KIRREL3: variants seen among roughly 807,000 people sequenced by gnomAD.
KIRREL3 encodes the protein kirre like nephrin family adhesion molecule 3, also known as kin of IRRE-like protein 3.
A neutral mutation model predicts 89.7 loss-of-function variants in KIRREL3; 36 were observed. The ratio of observed to expected loss-of-function variants is 0.40; its 90% confidence interval spans 0.31 to 0.53. The LOEUF (loss-of-function observed/expected upper bound fraction) is 0.53. KIRREL3 is among the 20% of genes least tolerant of loss of function. The probability of loss-of-function intolerance (pLI) is 0.49; values close to 1 mark genes in which losing one functional copy is unlikely to be tolerated. For synonymous variants in KIRREL3, 445 were observed against 441.4 expected (o/e 1.01, Z -0.10); for missense variants, 864 against 1,056.6 (o/e 0.82, Z 2.53).
chr11:126,858,846 T>C (rs1421567455), intron 1 of KIRREL3, among the ~76,000 whole-genome samples: 6 of 152,200 alleles, frequency 3.9e-5, no homozygotes, highest in African/African-American at 1.4e-4. Flanking sequence ...AGAACACTCT[T>C]CACCTGGATG....
chr11:126,902,442 A>G (rs1005811311), intron 1 of KIRREL3, among the ~76,000 whole-genome samples: 15 of 152,252 alleles, frequency 9.9e-5, no homozygotes, highest in Non-Finnish European at 2.9e-5. Flanking sequence ...TATGGGATAT[A>G]TAGTTGCTCG....
chr11:126,796,349 G>A lies in KIRREL3; in HGVS notation c.55+204106C>T, dbSNP rs1471821171. 6.6e-6 allele frequency among the ~76,000 whole-genome samples: 1 copy of A among 152,204 alleles called. No homozygotes were observed. The highest frequency in any genetic ancestry group is 1.9e-4 in the East Asian group (1 of 5,190). ...CAGACTGGGCTGACCCAGGGCATCA[G>A]GGCTGGGGATTGTCTTGGATGGAAG... On this transcript the variant is annotated intron_variant, in intron 1 of 16. Transcript: ENST00000525144. The surrounding 1 kb of genome is among the most constrained non-coding windows in gnomAD (Gnocchi z 5.1).
intron 2 of KIRREL3, among the ~76,000 whole-genome samples, chr11:126,534,233 C>T (rs55797935): frequency 0.065 from 9,745 of 149,786 alleles, 1,007 homozygotes; most frequent in African/African-American, 0.22. Flanking sequence ...GGAGAATGTT[C>T]CCCCAGGGCT....
rs1010921781 is a variant in KIRREL3, at chr11:126,744,186, G to C, written c.56-181274C>G. Among the ~76,000 whole-genome samples the C allele has an allele frequency of 6.6e-6, 1 of 152,212 alleles. No individual in the cohort carries two copies. Among genetic ancestry groups the C allele is most frequent in the Admixed American group, 6.5e-5 (1 of 15,286 alleles). On this transcript the variant is annotated intron_variant, in intron 1 of 16. Coordinates refer to ENST00000525144, the MANE Select transcript of KIRREL3 (RefSeq NM_032531.4). This position sits in a 1 kb window ranked among gnomAD's most constrained non-coding sequence, Gnocchi z 4.7. ...AGGCTTCCAATGGCTGAAGGGCCTTGGGTGCCAGTCAAGGGACAAAATGGA... is the reference window on the plus strand; with the variant it reads ...AGGCTTCCAATGGCTGAAGGGCCTTCGGTGCCAGTCAAGGGACAAAATGGA...
Position 126,477,212 on chromosome 11 carries a change from C to T in KIRREL3, c.434-3746G>A, listed in dbSNP as rs907792108. Among the ~76,000 whole-genome samples, 2 of 152,208 alleles carry T rather than the reference C, an allele frequency of 1.3e-5. No homozygotes were observed. The highest frequency in any genetic ancestry group is 2.4e-5 in the African/African-American group (1 of 41,458). On this transcript the variant is annotated intron_variant, in intron 4 of 16. Transcript: ENST00000525144. The surrounding 1 kb of genome is among the most constrained non-coding windows in gnomAD (Gnocchi z 4.8). ...TGATTATGAAAGAAACACATCATCG[C>T]GGGATGCTGAGCTCTTTACAGTTTA...
At position 126,697,154 on chromosome 11, in the gene KIRREL3, C is replaced by G. The variant is rs371853407; in HGVS notation, c.56-134242G>C. On this transcript the variant is annotated intron_variant, in intron 1 of 16. Transcript: ENST00000525144. The surrounding 1 kb of genome is among the most constrained non-coding windows in gnomAD (Gnocchi z 4.2). ...CAAATGAAGGCTTAGTCACTTCCTC[C>G]GCTGGTCCCCCAGACCTGTGTTCAC... 6.6e-6 allele frequency among the ~76,000 whole-genome samples: 1 copy of G among 152,178 alleles called. No homozygotes were observed. The highest frequency in any genetic ancestry group is 1.5e-5 in the Non-Finnish European group (1 of 68,028).
chr11:126,960,442 A>C (rs76894024), intron 1 of KIRREL3, among the ~76,000 whole-genome samples: 9,072 of 152,240 alleles, frequency 0.06, 293 homozygotes, highest in African/African-American at 0.083. Context: ...CCCAGTGCTC[A>C]CTCCCTGGGA....
intron 1 of KIRREL3, among the ~76,000 whole-genome samples, chr11:126,826,498 G>T (rs1943417664): frequency 6.6e-6 from 1 of 151,980 alleles, no homozygotes; most frequent in African/African-American, 2.4e-5. Flanking sequence ...TCTCTCCTGT[G>T]AACCTTCTCC....
At position 126,566,541 on chromosome 11, in the gene KIRREL3, CT is replaced by C. The variant is rs1182274261; in HGVS notation, c.56-3630del. On this transcript the variant is annotated intron_variant, in intron 1 of 16. Coordinates refer to ENST00000525144, the MANE Select transcript of KIRREL3 (RefSeq NM_032531.4). The surrounding 1 kb of genome is among the most constrained non-coding windows in gnomAD (Gnocchi z 4.9). ...TCAGAATGAAAATAAGTGGGCTTCA[CT>C]GTAGCACAATGGGTTTAGGTTAGCA... 3.3e-5 allele frequency among the ~76,000 whole-genome samples: 5 copies of C among 152,198 alleles called. No homozygotes were observed. Among genetic ancestry groups the C allele is most frequent in the Non-Finnish European group, 7.3e-5 (5 of 68,030 alleles).
At chr11:126,735,500 C>A (rs58662676) in intron 1 of KIRREL3, among the ~76,000 whole-genome samples, 1,826 of 152,260 alleles carry the variant, frequency 0.012, 38 homozygotes, top group African/African-American at 0.041. Context: ...ATCAATACTT[C>A]CACTGAAGAA....
chr11:126,589,888 C>G (rs932658263), intron 1 of KIRREL3, among the ~76,000 whole-genome samples: 1 of 152,204 alleles, frequency 6.6e-6, no homozygotes, highest in African/African-American at 2.4e-5. Flanking sequence ...AGTGCCCCAG[C>G]TGCTGGCTGA....
At chr11:126,972,729 G>A (rs768520785) in intron 1 of KIRREL3, among the ~76,000 whole-genome samples, 10 of 152,164 alleles carry the variant, frequency 6.6e-5, no homozygotes, top group South Asian at 2.1e-4. Context: ...CACCGTGTCC[G>A]TATTTGATTG....
chr11:126,458,006 G>A (rs1197285223), intron 6 of KIRREL3, among the ~76,000 whole-genome samples: 1 of 152,172 alleles, frequency 6.6e-6, no homozygotes, highest in African/African-American at 2.4e-5. Context: ...CTGGGCTCCT[G>A]GTGGCCCCCA....
chr11:126,827,165 T>A (rs924553197), intron 1 of KIRREL3, among the ~76,000 whole-genome samples: 1 of 143,954 alleles, frequency 6.9e-6, no homozygotes, highest in African/African-American at 2.6e-5. Flanking sequence ...AATATGGAAG[T>A]CTTCCCAGAT....
At chr11:126,449,602 C>G (rs1438640265) in intron 7 of KIRREL3, among the ~76,000 whole-genome samples, 2 of 152,190 alleles carry the variant, frequency 1.3e-5, no homozygotes, top group African/African-American at 4.8e-5. Context: ...ACGGAGCATG[C>G]CCATACATGC....
Position 126,636,140 on chromosome 11 carries a change from T to C in KIRREL3, c.56-73228A>G, listed in dbSNP as rs1262058310. ...AGTCATATAGAATTTTGAATTTTAG[T>C]TCCTTCATTTGTAAAAATGGGAAGG... On this transcript the variant is annotated intron_variant, in intron 1 of 16. Coordinates refer to ENST00000525144, the MANE Select transcript of KIRREL3 (RefSeq NM_032531.4). The surrounding 1 kb of genome is among the most constrained non-coding windows in gnomAD (Gnocchi z 4.4). 1.3e-5 allele frequency among the ~76,000 whole-genome samples: 2 copies of C among 152,220 alleles called. No individual in the cohort carries two copies. Among genetic ancestry groups the C allele is most frequent in the Non-Finnish European group, 2.9e-5 (2 of 68,026 alleles).
In KIRREL3 at chr11:126,656,542, TG is replaced by T. The variant is rs1265363046; in HGVS notation, c.56-93631del. ...TGGGGGATAAGGCAGCAGGTGACAG[TG>T]GTTGCGTGCTCCTGGGCACCGCCTG... is the stretch of plus-strand genomic sequence containing the variant. On this transcript the variant is annotated intron_variant, in intron 1 of 16. Coordinates refer to ENST00000525144, the MANE Select transcript of KIRREL3 (RefSeq NM_032531.4). This position sits in a 1 kb window ranked among gnomAD's most constrained non-coding sequence, Gnocchi z 4.0. 6.6e-6 allele frequency among the ~76,000 whole-genome samples: 1 copy of T among 152,190 alleles called. No individual in the cohort carries two copies. The highest frequency in any genetic ancestry group is 2.4e-5 in the African/African-American group (1 of 41,448).
chr11:126,651,075 T>G lies in KIRREL3; in HGVS notation c.56-88163A>C, dbSNP rs996519558. Among the ~76,000 whole-genome samples the G allele has an allele frequency of 1.3e-5, 2 of 152,094 alleles. No individual in the cohort carries two copies. The highest frequency in any genetic ancestry group is 2.4e-5 in the African/African-American group (1 of 41,426). On this transcript the variant is annotated intron_variant, in intron 1 of 16. Coordinates refer to ENST00000525144, the MANE Select transcript of KIRREL3 (RefSeq NM_032531.4). The surrounding 1 kb of genome is among the most constrained non-coding windows in gnomAD (Gnocchi z 4.6). ...GGGAAACCACCCCCATGATTCAAAT[T>G]ATCTCCCACCGGGTCCCTCCCACAA...
chr11:126,602,452 T>C (rs954236480), intron 1 of KIRREL3, among the ~76,000 whole-genome samples: 2 of 152,200 alleles, frequency 1.3e-5, no homozygotes, highest in Non-Finnish European at 2.9e-5. Flanking sequence ...CAAGTCTATA[T>C]ACTTTATCTC....
Sources: gnomAD v4.1 joint callset for allele counts (sites outside exome capture counted in the v4.1 genomes callset) on GRCh38, gnomAD v4.1.1 for gene constraint, Gnocchi (gnomAD v3.1) non-coding constraint, MANE v1.5 for transcripts, NCBI Gene and HGNC (gene_info 2026-07-23, HGNC 2026-07-21) for gene names.